The following RAPGEF5 variants were observed in gnomAD, a reference collection of about 807,000 sequenced individuals.
RAPGEF5 encodes Rap guanine nucleotide exchange factor 5.
In RAPGEF5, 65 loss-of-function variants were observed where a neutral mutation model predicts 125.2. The observed-to-expected ratio is 0.52, with a 90% CI of 0.43 to 0.64. The LOEUF is 0.64. RAPGEF5 is among the 30% of genes least tolerant of loss of function. The pLI, the probability that RAPGEF5 is intolerant of heterozygous loss-of-function variation, is 0.00. For missense variants in RAPGEF5, 958 were observed against 1,048.1 expected (o/e 0.91, Z 1.19); for synonymous variants, 391 against 385.9 (o/e 1.01, Z -0.16).
intron 9 of RAPGEF5, among the ~76,000 whole-genome samples, chr7:22,215,925 C>T (rs1305637802): frequency 1.3e-5 from 2 of 152,164 alleles, no homozygotes; most frequent in Non-Finnish European, 2.9e-5. Flanking sequence ...GCAAACAAAG[C>T]AAGGGAAATG....
intron 1 of RAPGEF5, among the ~76,000 whole-genome samples, chr7:22,353,023 G>A (rs896346028): frequency 6.6e-6 from 1 of 152,162 alleles, no homozygotes; most frequent in South Asian, 2.1e-4. Flanking sequence ...TGCGTCTCAC[G>A]ATGTGATGCA....
intron 11 of RAPGEF5, among the ~76,000 whole-genome samples, chr7:22,186,849 C>T (rs755197040): frequency 9.2e-5 from 14 of 152,190 alleles, no homozygotes; most frequent in Non-Finnish European, 2.1e-4. Context: ...TCCTGCAACA[C>T]TATTTCTGAA....
intron 9 of RAPGEF5, among the ~76,000 whole-genome samples, chr7:22,201,538 C>G (rs1383942171): frequency 1.3e-5 from 2 of 152,208 alleles, no homozygotes; most frequent in African/African-American, 4.8e-5. Context: ...CAGAAAACAA[C>G]TCAAAGAAAA....
At position 22,156,983 on chromosome 7, in the gene RAPGEF5, AT is replaced by A. The variant is rs547174365; in HGVS notation, c.1558-96del. The A allele has an allele frequency of 1.5e-3, 2,256 of 1,495,624 alleles. 33 individuals are homozygous for A. The African/African-American group carries it at 0.027, about 18-fold the overall frequency. The allele number at this position is 1,495,624 out of a possible 1,614,324, so 92.6% of individuals were successfully genotyped here. ...AATATGTTCCAAAAGAACTAGCCAA[AT>A]TTTTTTTTAATATGAAATCCACCCA... is the stretch of plus-strand genomic sequence containing the variant. On this transcript the variant is annotated intron_variant, in intron 15 of 25. Coordinates refer to ENST00000665637, the MANE Select transcript of RAPGEF5 (RefSeq NM_012294.5).
rs760628173 is a variant in RAPGEF5, at chr7:22,122,361, G to A, written c.*45C>T. 1.7e-5 allele frequency: 25 copies of A among 1,462,024 alleles called. No homozygotes were observed. Among genetic ancestry groups the A allele is most frequent in the Middle Eastern group, 2.0e-4 (1 of 4,910 alleles). The allele number at this position is 1,462,024 out of a possible 1,614,324, so 90.6% of individuals were successfully genotyped here. A position where few individuals can be genotyped will look rare whatever the true frequency, so the allele number is the denominator to read the frequency against. On this transcript the variant is annotated 3_prime_UTR_variant, in exon 26 of 26. Transcript: ENST00000665637. ...CAACGTGCTTGGCATAGACATTCCCGTAGCTCAAAGTGCTGCAGATACAGG... is the reference window on the plus strand; with the variant it reads ...CAACGTGCTTGGCATAGACATTCCCATAGCTCAAAGTGCTGCAGATACAGG...
chr7:22,276,436 C>A (rs1412020979), intron 6 of RAPGEF5, among the ~76,000 whole-genome samples: 1 of 152,162 alleles, frequency 6.6e-6, no homozygotes, highest in Non-Finnish European at 1.5e-5. Flanking sequence ...TTATAAACTA[C>A]AGCAACTGTG....
At chr7:22,265,576 C>G (rs1562497215) in intron 7 of RAPGEF5, among the ~76,000 whole-genome samples, 1 of 152,128 alleles carries the variant, frequency 6.6e-6, no homozygotes, top group Non-Finnish European at 1.5e-5. Flanking sequence ...GTGCAGATAT[C>G]TCTTTGATAC....
At chr7:22,228,420 T>G (rs1041029858) in intron 8 of RAPGEF5, among the ~76,000 whole-genome samples, 1 of 152,110 alleles carries the variant, frequency 6.6e-6, no homozygotes, top group African/African-American at 2.4e-5. Context: ...TGCCTAAGTG[T>G]TATATACAAT....
chr7:22,258,756 CTG>C (rs1032697390), intron 7 of RAPGEF5, among the ~76,000 whole-genome samples: 3 of 151,228 alleles, frequency 2.0e-5, no homozygotes, highest in Admixed American at 6.6e-5. Context: ...AGGGAAAAGA[CTG>C]TCTTTTCAAC....
In RAPGEF5 at chr7:22,219,982, T is replaced by G; in HGVS notation, c.880A>C (p.Met294Leu). The change falls in exon 9 of 26, where the codon ATG (methionine) becomes CTG (leucine). Residue 294 changes from methionine (M) to leucine (L), a missense_variant. By Grantham distance (15) the Met-to-Leu change is conservative. Transcript: ENST00000665637. ...TCATCTCTTTCCTGGAGCTTGCACA[T>G]CACCCCTGCCTTAAGAGTTGGAGAA... is the stretch of plus-strand genomic sequence containing the variant. ...ESVPDSQAGV[M>L]CKLQERDEIG... is the part of the protein sequence containing the mutation. The G allele has an allele frequency of 6.2e-7, 1 of 1,613,552 alleles. No homozygotes were observed. The highest frequency in any genetic ancestry group is 1.3e-5 in the African/African-American group (1 of 75,016).
At chr7:22,313,860 T>C (rs1042824325) in intron 3 of RAPGEF5, among the ~76,000 whole-genome samples, 1 of 152,212 alleles carries the variant, frequency 6.6e-6, no homozygotes, top group African/African-American at 2.4e-5. Context: ...CTATGTGAAG[T>C]AGTCCAACCA....
chr7:22,266,877 A>G, intron 7 of RAPGEF5, 87 bp downstream of exon 7: 1 of 1,329,552 alleles, frequency 7.5e-7, no homozygotes, highest in Non-Finnish European at 1.1e-6. Context: ...ACTTCCTGAG[A>G]TACACTCAAC....
intron 6 of RAPGEF5, among the ~76,000 whole-genome samples, chr7:22,286,085 A>C (rs1392462260): frequency 6.6e-6 from 1 of 152,224 alleles, no homozygotes; most frequent in Non-Finnish European, 1.5e-5. Flanking sequence ...TTGTAATTTT[A>C]ATTTATCTCT....
rs367997960 is a variant in RAPGEF5 at position 22,338,457 on chromosome 7, A to T, written c.231+18373T>A. Among the ~76,000 whole-genome samples the T allele has an allele frequency of 1.3e-5, 2 of 152,378 alleles. 1 individual carries two copies. The highest frequency in any genetic ancestry group is 4.1e-4 in the South Asian group (2 of 4,830). ...TATTTTGAAATTTGTAAAATTTTAT[A>T]AAACTAAACCATAATACAATCAACA... On this transcript the variant is annotated intron_variant, in intron 1 of 25. Transcript: ENST00000665637.
intron 23 of RAPGEF5, among the ~76,000 whole-genome samples, chr7:22,132,800 A>C (rs1026912383): frequency 1.3e-5 from 2 of 152,190 alleles, no homozygotes; most frequent in African/African-American, 4.8e-5. Context: ...AGTGTTAGAC[A>C]TGGCTCTAAA....
At chr7:22,335,281 C>G (rs767898699) in intron 1 of RAPGEF5, among the ~76,000 whole-genome samples, 8 of 152,216 alleles carry the variant, frequency 5.3e-5, no homozygotes, top group Non-Finnish European at 7.3e-5. Context: ...CAGTTTTCTA[C>G]CAGACTCTAC....
intron 11 of RAPGEF5, among the ~76,000 whole-genome samples, chr7:22,176,835 G>C (rs575661615): frequency 2.0e-5 from 3 of 152,136 alleles, no homozygotes; most frequent in Non-Finnish European, 4.4e-5. Flanking sequence ...CTGGCCAATT[G>C]AGGTTCTTTC....
At chr7:22,342,466 T>C (rs950887651) in intron 1 of RAPGEF5, among the ~76,000 whole-genome samples, 7 of 152,344 alleles carry the variant, frequency 4.6e-5, no homozygotes, top group Middle Eastern at 3.4e-3. Context: ...GGCTCCGCAT[T>C]ACTTATGCAA....
At chr7:22,190,863 G>A (rs1562752007) in intron 11 of RAPGEF5, among the ~76,000 whole-genome samples, 1 of 152,082 alleles carries the variant, frequency 6.6e-6, no homozygotes, top group Non-Finnish European at 1.5e-5. Flanking sequence ...TTCTCCCATG[G>A]ACCCTCTCCT....
Sources: gnomAD v4.1 joint callset for allele counts (sites outside exome capture counted in the v4.1 genomes callset) on GRCh38, gnomAD v4.1.1 for gene constraint, MANE v1.5 for transcripts, NCBI Gene and HGNC (gene_info 2026-07-23, HGNC 2026-07-21) for gene names.